Variants in PHLPP1 observed in about 807,000 individuals in gnomAD.
PHLPP1 encodes the protein PH domain and leucine rich repeat protein phosphatase 1.
PHLPP1 carries 42 observed loss-of-function variants against 117.2 expected under a neutral mutation model. The observed-to-expected ratio is 0.36, with a 90% CI of 0.28 to 0.46. The LOEUF (loss-of-function observed/expected upper bound fraction) is 0.46. Among genes scored for constraint, PHLPP1 ranks in the 20% least tolerant of loss-of-function variants. The pLI, the probability that PHLPP1 is intolerant of heterozygous loss-of-function variation, is 1.00. For synonymous variants in PHLPP1, 1,042 were observed against 970.7 expected (o/e 1.07, Z -1.37); for missense variants, 2,084 against 2,241.9 (o/e 0.93, Z 1.42).
At chr18:62,756,997 G>T (rs1912045465) in intron 1 of PHLPP1, among the ~76,000 whole-genome samples, 1 of 152,198 alleles carries the variant, frequency 6.6e-6, no homozygotes, top group Non-Finnish European at 1.5e-5. Flanking sequence ...GAGGTGATGG[G>T]AGATGCTAAT....
chr18:62,794,037 A>G (rs1391738241), intron 1 of PHLPP1, among the ~76,000 whole-genome samples: 1 of 152,236 alleles, frequency 6.6e-6, no homozygotes, highest in East Asian at 1.9e-4. Context: ...AAGTTTTGTT[A>G]AAGAAATTAA....
intron 1 of PHLPP1, among the ~76,000 whole-genome samples, chr18:62,717,673 C>T (rs1478059): frequency 0.02 from 3,018 of 152,262 alleles, 45 homozygotes; most frequent in Non-Finnish European, 0.031. Flanking sequence ...CTCTATCACA[C>T]TTTTGCCTGC....
intron 1 of PHLPP1, among the ~76,000 whole-genome samples, chr18:62,817,850 A>G (rs1914335208): frequency 8.1e-6 from 1 of 123,702 alleles, no homozygotes; most frequent in African/African-American, 3.1e-5. Flanking sequence ...ATGGCAACAG[A>G]CTTTTTTTTT....
At chr18:62,744,101 T>C (rs531832210) in intron 1 of PHLPP1, among the ~76,000 whole-genome samples, 1 of 152,350 alleles carries the variant, frequency 6.6e-6, no homozygotes, top group South Asian at 2.1e-4. Context: ...TGCCATGAGT[T>C]AGACATTGTA....
intron 10 of PHLPP1, among the ~76,000 whole-genome samples, chr18:62,928,348 G>A (rs546121260): frequency 5.3e-4 from 80 of 152,054 alleles, no homozygotes; most frequent in African/African-American, 1.9e-3. Flanking sequence ...TGAAAAATAT[G>A]CTCACAGGAT....
intron 9 of PHLPP1, among the ~76,000 whole-genome samples, chr18:62,915,727 C>T (rs562511749): frequency 5.3e-5 from 8 of 152,294 alleles, no homozygotes; most frequent in African/African-American, 1.7e-4. Flanking sequence ...TCCTGTAGAA[C>T]TTTCTGTGAT....
chr18:62,931,548 G>A (rs1909807183), intron 10 of PHLPP1, among the ~76,000 whole-genome samples: 1 of 149,608 alleles, frequency 6.7e-6, no homozygotes, highest in Admixed American at 6.7e-5. Flanking sequence ...GAAACAAAAA[G>A]TTGGTTCTTT....
intron 1 of PHLPP1, among the ~76,000 whole-genome samples, chr18:62,784,039 C>G (rs550311401): frequency 6.6e-6 from 1 of 152,148 alleles, no homozygotes; most frequent in Non-Finnish European, 1.5e-5. Flanking sequence ...AGGCTCATGG[C>G]CTCCAAGGTT....
At chr18:62,851,086 C>G (rs538580752) in intron 3 of PHLPP1, among the ~76,000 whole-genome samples, 1 of 152,244 alleles carries the variant, frequency 6.6e-6, no homozygotes, top group African/African-American at 2.4e-5. Flanking sequence ...GGTATAGTTC[C>G]TGGTTCATAA....
At chr18:62,734,503 GT>G (rs1206008542) in intron 1 of PHLPP1, among the ~76,000 whole-genome samples, 2 of 152,132 alleles carry the variant, frequency 1.3e-5, no homozygotes, top group Non-Finnish European at 2.9e-5. Flanking sequence ...TTTATCTTGA[GT>G]AGATGGCAGT....
intron 1 of PHLPP1, among the ~76,000 whole-genome samples, chr18:62,726,956 G>A (rs1911091833): frequency 1.3e-5 from 2 of 151,626 alleles, no homozygotes. Context: ...GGCCGGGTGC[G>A]GTGGCTCACA....
intron 13 of PHLPP1, among the ~76,000 whole-genome samples, chr18:62,961,615 GCTGA>G (rs1910771881): frequency 6.6e-6 from 1 of 152,126 alleles, no homozygotes; most frequent in African/African-American, 2.4e-5. Context: ...CTATTGTATT[GCTGA>G]CTGTTTTAGA....
intron 1 of PHLPP1, among the ~76,000 whole-genome samples, chr18:62,766,076 A>AAAAAAAATATATATATATAT: frequency 2.3e-4 from 5 of 21,656 alleles, no homozygotes; most frequent in African/African-American, 6.0e-4. Context: ...AAAAAAAAAA[A>AAAAAAAATATATATATATAT]ATATATATAT....
intron 1 of PHLPP1, among the ~76,000 whole-genome samples, chr18:62,722,496 CT>C (rs200248612): frequency 3.8e-4 from 58 of 151,474 alleles, no homozygotes; most frequent in South Asian, 2.1e-3. Context: ...AAAATGAAGT[CT>C]TTTTTTTTCT....
chr18:62,949,391 G>GT (rs751762401), intron 12 of PHLPP1, among the ~76,000 whole-genome samples: 2 of 152,178 alleles, frequency 1.3e-5, no homozygotes, highest in African/African-American at 2.4e-5. Flanking sequence ...AATTATTCAT[G>GT]TACACCTTAA....
intron 2 of PHLPP1, among the ~76,000 whole-genome samples, chr18:62,834,805 C>G (rs990455672): frequency 1.3e-5 from 2 of 152,142 alleles, no homozygotes; most frequent in African/African-American, 4.8e-5. Context: ...TCATTATTCC[C>G]AGAAGTTTCC....
At chr18:62,824,769 A>G (rs987473699) in intron 1 of PHLPP1, among the ~76,000 whole-genome samples, 10 of 152,274 alleles carry the variant, frequency 6.6e-5, no homozygotes, top group East Asian at 1.9e-4. Flanking sequence ...AAAAATGACA[A>G]GGTCTTACTG....
At chr18:62,813,273 T>C (rs1443481537) in intron 1 of PHLPP1, among the ~76,000 whole-genome samples, 1 of 152,178 alleles carries the variant, frequency 6.6e-6, no homozygotes, top group Non-Finnish European at 1.5e-5. Context: ...TACCTTCTCA[T>C]ACATCCCAAA....
At chr18:62,882,946 T>TAAAA (rs35265223) in intron 4 of PHLPP1, among the ~76,000 whole-genome samples, 1 of 121,524 alleles carries the variant, frequency 8.2e-6, no homozygotes. Context: ...GACCACATCT[T>TAAAA]AAAAAAAAAA....
Sources: gnomAD v4.1 joint callset for allele counts (sites outside exome capture counted in the v4.1 genomes callset) on GRCh38, gnomAD v4.1.1 for gene constraint, MANE v1.5 for transcripts, NCBI Gene and HGNC (gene_info 2026-07-23, HGNC 2026-07-21) for gene names.